The following RPA3 variants were observed in gnomAD, a reference collection of about 807,000 sequenced individuals.
RPA3 encodes replication protein A 14 kDa subunit.
In RPA3, 24 loss-of-function variants were observed where a neutral mutation model predicts 13.7. The observed-to-expected ratio is 1.75, with a 90% confidence interval of 1.27 to 2.46. RPA3 has a LOEUF of 2.46. Ranked by LOEUF, RPA3 falls within the 30% of genes most tolerant of loss-of-function variation. The probability of loss-of-function intolerance (pLI) is 0.00; values close to 1 mark genes in which losing one functional copy is unlikely to be tolerated. For synonymous variants in RPA3, 59 were observed against 51.2 expected (o/e 1.15, Z -0.65); for missense variants, 183 against 151.0 (o/e 1.21, Z -1.11).
At chr7:7,646,431 A>G (rs1244431421) in intron 4 of RPA3, among the ~76,000 whole-genome samples, 1 of 150,986 alleles carries the variant, frequency 6.6e-6, no homozygotes, top group Non-Finnish European at 1.5e-5. Context: ...GGTAGTGAAT[A>G]AGTCTCACGA....
intron 1 of RPA3, among the ~76,000 whole-genome samples, chr7:7,716,484 A>C (rs1278494759): frequency 1.3e-5 from 2 of 152,240 alleles, no homozygotes; most frequent in Non-Finnish European, 2.9e-5. Context: ...AAGCTTGCAC[A>C]GGTGAATGCT....
At chr7:7,682,950 T>C (rs1448240850) in intron 4 of RPA3, among the ~76,000 whole-genome samples, 1 of 152,224 alleles carries the variant, frequency 6.6e-6, no homozygotes, top group African/African-American at 2.4e-5. Flanking sequence ...CTGATTCTGG[T>C]TTACCTGTTA....
chr7:7,712,927 T>C (rs1780803360), intron 2 of RPA3, among the ~76,000 whole-genome samples: 2 of 152,208 alleles, frequency 1.3e-5, no homozygotes, highest in Non-Finnish European at 2.9e-5. Flanking sequence ...AAAAATTATC[T>C]TGGCCTCGTG....
chr7:7,671,354 C>T (rs967938136), intron 4 of RPA3, among the ~76,000 whole-genome samples: 10 of 152,056 alleles, frequency 6.6e-5, no homozygotes, highest in Admixed American at 5.2e-4. Context: ...GTTGGAGACC[C>T]ACACCCTTAG....
At chr7:7,659,283 G>A (rs1239677352) in intron 4 of RPA3, among the ~76,000 whole-genome samples, 1 of 152,036 alleles carries the variant, frequency 6.6e-6, no homozygotes, top group African/African-American at 2.4e-5. Flanking sequence ...TTTTCGAAGG[G>A]TTTTTCATGT....
At chr7:7,663,521 G>T (rs1402849439) in intron 4 of RPA3, among the ~76,000 whole-genome samples, 2 of 152,106 alleles carry the variant, frequency 1.3e-5, no homozygotes, top group African/African-American at 4.8e-5. Context: ...AAAACAGGGG[G>T]AGAGTCTTTA....
intron 2 of RPA3, among the ~76,000 whole-genome samples, chr7:7,709,613 A>G (rs1447195190): frequency 2.6e-5 from 4 of 152,252 alleles, no homozygotes; most frequent in South Asian, 2.1e-4. Context: ...CTGTTTGCTC[A>G]GAAGTCATCT....
intron 2 of RPA3, among the ~76,000 whole-genome samples, chr7:7,706,188 A>T (rs1780594294): frequency 6.6e-6 from 1 of 152,164 alleles, no homozygotes; most frequent in African/African-American, 2.4e-5. Context: ...ATTAGTGAAA[A>T]TATGTGAAGT....
chr7:7,644,466 A>G (rs969644432), intron 4 of RPA3, among the ~76,000 whole-genome samples: 2 of 151,870 alleles, frequency 1.3e-5, no homozygotes, highest in Non-Finnish European at 2.9e-5. Flanking sequence ...TCTTTGATAC[A>G]TCGTACTCTT....
intron 4 of RPA3, among the ~76,000 whole-genome samples, chr7:7,660,071 T>G (rs1785437008): frequency 6.6e-6 from 1 of 152,240 alleles, no homozygotes; most frequent in East Asian, 1.9e-4. Context: ...TTTTTGTCTC[T>G]TTTGATCTTT....
At chr7:7,698,083 A>G (rs1163573754) in intron 2 of RPA3, among the ~76,000 whole-genome samples, 1 of 152,208 alleles carries the variant, frequency 6.6e-6, no homozygotes, top group Non-Finnish European at 1.5e-5. Context: ...ACAATATGTT[A>G]TCTGAATCAA....
At chr7:7,715,335 C>G (rs1467474071) in intron 1 of RPA3, 109 bp from the exon 2 acceptor site, 1 of 152,100 alleles carries the variant, frequency 6.6e-6, no homozygotes, top group Admixed American at 6.5e-5. Context: ...GAAGAGTTGA[C>G]CATAGACCTT....
At chr7:7,711,587 T>G (rs1423380147) in intron 2 of RPA3, among the ~76,000 whole-genome samples, 1 of 152,162 alleles carries the variant, frequency 6.6e-6, no homozygotes, top group Admixed American at 6.5e-5. Context: ...TAATTTACAT[T>G]TTCTTGTTTA....
intron 4 of RPA3, among the ~76,000 whole-genome samples, chr7:7,663,774 C>T (rs540271213): frequency 1.2e-4 from 18 of 152,236 alleles, no homozygotes; most frequent in African/African-American, 2.6e-4. Flanking sequence ...GGGGCAATAA[C>T]GAATGCATTT....
chr7:7,673,621 G>T (rs577085359), intron 4 of RPA3, among the ~76,000 whole-genome samples: 1 of 152,194 alleles, frequency 6.6e-6, no homozygotes, highest in Non-Finnish European at 1.5e-5. Context: ...TCAATTACTT[G>T]GAATAGTGTC....
intron 4 of RPA3, among the ~76,000 whole-genome samples, chr7:7,654,284 C>T (rs1394431232): frequency 6.6e-6 from 1 of 152,128 alleles, no homozygotes; most frequent in Admixed American, 6.5e-5. Context: ...GTCTGTTTTA[C>T]CCAAGTGAGG....
At chr7:7,675,506 A>T (rs1225546407) in intron 4 of RPA3, among the ~76,000 whole-genome samples, 1 of 152,170 alleles carries the variant, frequency 6.6e-6, no homozygotes, top group South Asian at 2.1e-4. Flanking sequence ...AGTATTATCT[A>T]CTATGGATCT....
chr7:7,695,342 A>G (rs904150020), intron 2 of RPA3, among the ~76,000 whole-genome samples: 3 of 152,232 alleles, frequency 2.0e-5, no homozygotes, highest in African/African-American at 4.8e-5. Context: ...TTTCATTTGT[A>G]ACACAGAATG....
At chr7:7,702,848 A>G (rs933059960) in intron 2 of RPA3, among the ~76,000 whole-genome samples, 2 of 152,164 alleles carry the variant, frequency 1.3e-5, no homozygotes, top group Non-Finnish European at 2.9e-5. Flanking sequence ...GAGACAAGTC[A>G]ACCAGTTTGT....
Sources: allele counts gnomAD v4.1 joint callset (sites outside exome capture counted in the v4.1 genomes callset), GRCh38; gene constraint gnomAD v4.1.1; transcripts MANE v1.5; gene names NCBI Gene and HGNC (gene_info 2026-07-23, HGNC 2026-07-21).